Variants in SLBP observed in about 807,000 individuals in gnomAD.
SLBP encodes histone RNA hairpin-binding protein.
A neutral mutation model predicts 39.2 loss-of-function variants in SLBP; 29 were observed. That is an observed-to-expected ratio of 0.74 (90% CI 0.55 to 1.01). The LOEUF is 1.01. SLBP is among the 50% of genes least tolerant of loss of function. The pLI is 0.00. For missense variants in SLBP, 390 were observed against 350.2 expected (o/e 1.11, Z -0.91); for synonymous variants, 129 against 118.7 (o/e 1.09, Z -0.57).
chr4:1,700,865 G>A (rs1716298730), intron 3 of SLBP, among the ~76,000 whole-genome samples: 1 of 152,048 alleles, frequency 6.6e-6, no homozygotes, highest in African/African-American at 2.4e-5. Context: ...CCCCTGGCCT[G>A]TCATGCAGGT....
chr4:1,697,142 G>C (rs1461558838), intron 5 of SLBP, among the ~76,000 whole-genome samples: 1 of 111,174 alleles, frequency 9.0e-6, no homozygotes, highest in South Asian at 3.2e-4. Context: ...CTGGTCAACA[G>C]AGCAAGACTC....
intron 2 of SLBP, among the ~76,000 whole-genome samples, chr4:1,709,261 G>A (rs971207406): frequency 6.6e-6 from 1 of 151,916 alleles, no homozygotes; most frequent in Non-Finnish European, 1.5e-5. Flanking sequence ...TGGGGTGTTG[G>A]GAAAAAGGCT....
intron 2 of SLBP, among the ~76,000 whole-genome samples, chr4:1,709,178 C>G (rs1301137940): frequency 1.3e-5 from 2 of 152,130 alleles, no homozygotes; most frequent in African/African-American, 4.8e-5. Flanking sequence ...ATTCTCCTGC[C>G]TCAACCTCCC....
chr4:1,703,370 G>C (rs1716401897), intron 3 of SLBP, among the ~76,000 whole-genome samples: 1 of 152,032 alleles, frequency 6.6e-6, no homozygotes, highest in Non-Finnish European at 1.5e-5. Flanking sequence ...GCTTGAAAGA[G>C]TGGACCCGCC....
At chr4:1,699,530 G>T (rs886352160) in intron 5 of SLBP, 34 bp downstream of exon 5, 2 of 1,611,044 alleles carry the variant, frequency 1.2e-6, no homozygotes, top group Non-Finnish European at 1.7e-6. Context: ...ATGCCACACA[G>T]CTTGTTCAAG....
intron 6 of SLBP, among the ~76,000 whole-genome samples, chr4:1,695,908 T>C (rs1380581056): frequency 6.6e-6 from 1 of 152,252 alleles, no homozygotes; most frequent in Non-Finnish European, 1.5e-5. Context: ...GAGATTATTG[T>C]AATTTTTAGG....
At chr4:1,699,725 A>C in intron 4 of SLBP, 24 bp from the exon 5 acceptor site, 1 of 1,609,598 alleles carries the variant, frequency 6.2e-7, no homozygotes, top group Non-Finnish European at 8.5e-7. Flanking sequence ...AGATTAACAG[A>C]ATAAGCCCTG....
At chr4:1,698,473 T>TA (rs552892557) in intron 5 of SLBP, among the ~76,000 whole-genome samples, 4,210 of 124,646 alleles carry the variant, frequency 0.034, 65 homozygotes, top group African/African-American at 0.049. Context: ...TCCAAAAAAG[T>TA]AAAAAAAAAA....
chr4:1,707,897 G>A (rs1716582510), intron 2 of SLBP, among the ~76,000 whole-genome samples: 1 of 152,100 alleles, frequency 6.6e-6, no homozygotes, highest in African/African-American at 2.4e-5. Flanking sequence ...TGACAAACAT[G>A]GTGAAATCTA....
chr4:1,698,364 T>A (rs1716199044), intron 5 of SLBP, among the ~76,000 whole-genome samples: 1 of 136,762 alleles, frequency 7.3e-6, no homozygotes. Flanking sequence ...AGACATGATA[T>A]AACACTGCAC....
chr4:1,698,875 T>C lies in SLBP; in HGVS notation c.479+689A>G, dbSNP rs752044395. 6.0e-4 allele frequency among the ~76,000 whole-genome samples: 92 copies of C among 152,178 alleles called. No individual in the cohort carries two copies. The Middle Eastern group carries it at 0.01, about 17-fold the overall frequency. ...GTGTGATTAATGGTTCACTGTAACGTTGAATTCCTGGGCTGAAGCAGTTCT... is the reference window on the plus strand; with the variant it reads ...GTGTGATTAATGGTTCACTGTAACGCTGAATTCCTGGGCTGAAGCAGTTCT... On this transcript the variant is annotated intron_variant, in intron 5 of 7. Transcript: ENST00000489418.
rs116100539 is a variant in SLBP, at chr4:1,702,810, G to A, written c.281+786C>T. Among the ~76,000 whole-genome samples the A allele has an allele frequency of 5.6e-3, 846 of 152,268 alleles. 13 individuals are homozygous for A. The highest frequency in any genetic ancestry group is 0.019 in the African/African-American group (802 of 41,552). ...GAATCCAAGTTTGAGACCTTTCCTT[G>A]TATGTTGGCATTTCTGAGCTGTTTG... On this transcript the variant is annotated intron_variant, in intron 3 of 7. Transcript: ENST00000489418.
At chr4:1,704,499 T>C (rs1450006798) in intron 2 of SLBP, among the ~76,000 whole-genome samples, 1 of 152,150 alleles carries the variant, frequency 6.6e-6, no homozygotes, top group Non-Finnish European at 1.5e-5. Flanking sequence ...TGTGACAATA[T>C]TGCCTTTCAT....
At chr4:1,711,773 A>G in intron 2 of SLBP, 101 bp downstream of exon 2, 1 of 569,152 alleles carries the variant, frequency 1.8e-6, no homozygotes. Context: ...CAGGGTGCCG[A>G]CCTGACCGAT....
chr4:1,693,634 A>T lies in SLBP; in HGVS notation c.776T>A (p.Leu259Ter). The change falls in exon 8 of 8, where the codon TTA (leucine) becomes TAA (stop). Residue 259 changes from leucine to a stop codon, truncating the protein, a stop_gained. Coordinates refer to ENST00000489418, the MANE Select transcript of SLBP (RefSeq NM_006527.4). LOFTEE classifies it high-confidence loss of function. Reference sequence around the variant, plus strand: ...TGAGAAGTCTCTCAAGGGTTCAGTTAAACAAGCTTCCAAATCAAACTCATC... The same window carrying T: ...TGAGAAGTCTCTCAAGGGTTCAGTTTAACAAGCTTCCAAATCAAACTCATC... ...VEDEFDLEAC[L>*]TEPLRDFSAM... 3 of 1,613,922 alleles carry T rather than the reference A, an allele frequency of 1.9e-6. No homozygotes were observed. The highest frequency in any genetic ancestry group is 2.5e-6 in the Non-Finnish European group (3 of 1,179,812).
intron 5 of SLBP, among the ~76,000 whole-genome samples, chr4:1,699,340 C>T (rs549531793): frequency 7.2e-4 from 109 of 152,280 alleles, no homozygotes; most frequent in Non-Finnish European, 1.4e-3. Context: ...TGTTATCTAA[C>T]ATTCAAAATT....
At chr4:1,711,030 G>A (rs776451968) in intron 2 of SLBP, among the ~76,000 whole-genome samples, 3 of 137,010 alleles carry the variant, frequency 2.2e-5, no homozygotes, top group Non-Finnish European at 4.6e-5. Context: ...CAGCCTGTGA[G>A]ACAGAGTGAG....
At chr4:1,698,008 T>A (rs567114946) in intron 5 of SLBP, among the ~76,000 whole-genome samples, 1 of 151,732 alleles carries the variant, frequency 6.6e-6, no homozygotes, top group Admixed American at 6.6e-5. Flanking sequence ...GCACCGCTGG[T>A]CCCAGCTACT....
chr4:1,699,521 T>C (rs1255768327), intron 5 of SLBP, 43 bp downstream of exon 5: 2 of 1,608,590 alleles, frequency 1.2e-6, no homozygotes, highest in South Asian at 2.2e-5. Flanking sequence ...AGAAACGCAA[T>C]GCCACACAGC....
Sources: gnomAD v4.1 joint callset for allele counts (sites outside exome capture counted in the v4.1 genomes callset) on GRCh38, gnomAD v4.1.1 for gene constraint, MANE v1.5 for transcripts, NCBI Gene and HGNC (gene_info 2026-07-23, HGNC 2026-07-21) for gene names.